Variants in KDM4C observed in about 807,000 individuals in gnomAD.
KDM4C encodes the protein lysine demethylase 4C, also known as lysine-specific demethylase 4C.
Under a neutral mutation model 129.3 loss-of-function variants are expected in KDM4C, and 81 were observed. The observed-to-expected ratio is 0.63, with a 90% CI of 0.52 to 0.75. KDM4C has a LOEUF of 0.75. Among genes scored for constraint, KDM4C ranks in the 30% least tolerant of loss-of-function variants. KDM4C has a pLI of 0.00. For synonymous variants in KDM4C, 573 were observed against 456.1 expected, an observed-to-expected ratio of 1.26 and a Z score of -3.26; for missense variants, 1,457 against 1,304.0, an observed-to-expected ratio of 1.12 and a Z score of -1.81.
intron 5 of KDM4C, among the ~76,000 whole-genome samples, chr9:6,857,138 C>T (rs1564173356): frequency 1.3e-5 from 2 of 152,140 alleles, no homozygotes; most frequent in Admixed American, 6.5e-5. Context: ...GGATTATAGG[C>T]ATGAGCCACC....
Position 6,758,493 on chromosome 9 carries a change from T to G in KDM4C, c.-18+290T>G, listed in dbSNP as rs542619179. 7.2e-5 allele frequency among the ~76,000 whole-genome samples: 11 copies of G among 152,236 alleles called. No individual in the cohort carries two copies. Among genetic ancestry groups the G allele is most frequent in the Admixed American group, 2.0e-4 (3 of 15,300 alleles). On this transcript the variant is annotated intron_variant, in intron 1 of 21. Coordinates refer to ENST00000381309, the MANE Select transcript of KDM4C (RefSeq NM_015061.6). The surrounding 1 kb of genome is among the most constrained non-coding windows in gnomAD (Gnocchi z 4.6). ...CCCGGGATCCGGAGTCGGGGTCGCC[T>G]CCTTGGGGCAGAGGAGCGCTCGGGC... is the stretch of plus-strand genomic sequence containing the variant.
At chr9:6,896,920 C>T (rs1455783362) in intron 8 of KDM4C, among the ~76,000 whole-genome samples, 3 of 152,186 alleles carry the variant, frequency 2.0e-5, no homozygotes, top group Non-Finnish European at 2.9e-5. Context: ...CTGTGGCTTT[C>T]ATCGGAATCT....
At chr9:7,020,183 G>A (rs774527094) in intron 15 of KDM4C, among the ~76,000 whole-genome samples, 1 of 152,164 alleles carries the variant, frequency 6.6e-6, no homozygotes, top group Non-Finnish European at 1.5e-5. Context: ...TGCTTGAGGA[G>A]AGATTAGTTA....
chr9:7,023,539 C>G (rs1336141461), intron 15 of KDM4C, among the ~76,000 whole-genome samples: 1 of 151,878 alleles, frequency 6.6e-6, no homozygotes, highest in African/African-American at 2.4e-5. Flanking sequence ...TTTTTTCTTA[C>G]TCTGGGTAGA....
At chr9:6,877,260 G>C (rs961289795) in intron 5 of KDM4C, among the ~76,000 whole-genome samples, 1 of 152,258 alleles carries the variant, frequency 6.6e-6, no homozygotes. Context: ...GAGTGCAGTG[G>C]CGCCATCTCA....
At chr9:6,978,926 G>T (rs534084690) in intron 8 of KDM4C, 1 of 149,834 alleles carries the variant, frequency 6.7e-6, no homozygotes, top group Non-Finnish European at 1.5e-5. Flanking sequence ...CAAACAAGAT[G>T]AATATTAATA....
At chr9:6,931,047 C>A (rs1056137998) in intron 8 of KDM4C, among the ~76,000 whole-genome samples, 38 of 152,274 alleles carry the variant, frequency 2.5e-4, no homozygotes, top group African/African-American at 8.9e-4. Context: ...CAGGATTCAT[C>A]AGGAGAACCC....
intron 15 of KDM4C, among the ~76,000 whole-genome samples, chr9:7,028,923 G>A (rs1398563306): frequency 2.4e-5 from 3 of 127,596 alleles, no homozygotes; most frequent in Non-Finnish European, 1.6e-5. Flanking sequence ...TAAGGGAGGG[G>A]CGGCGTTGGT....
chr9:6,758,051 C>T lies in KDM4C; in HGVS notation c.-170C>T, dbSNP rs1359261429. On this transcript the variant is annotated 5_prime_UTR_variant, in exon 1 of 22. Coordinates refer to ENST00000381309, the MANE Select transcript of KDM4C (RefSeq NM_015061.6). This position sits in a 1 kb window ranked among gnomAD's most constrained non-coding sequence, Gnocchi z 4.6. ...GGAGGGTGAGGCGCGGCGCAGTGAT[C>T]GGGCGGCCGGGGTCCTGTGCGCGTG... The T allele has an allele frequency of 7.1e-6, 7 of 985,462 alleles. No homozygotes were observed. Among genetic ancestry groups the T allele is most frequent in the Middle Eastern group, 1.0e-3 (2 of 1,912 alleles). The allele number at this position is 985,462 out of a possible 1,614,324, so 61.0% of individuals were successfully genotyped here. A position where few individuals can be genotyped will look rare whatever the true frequency, so the allele number is the denominator to read the frequency against.
At chr9:7,144,342 G>C (rs1842033510) in intron 19 of KDM4C, among the ~76,000 whole-genome samples, 1 of 152,114 alleles carries the variant, frequency 6.6e-6, no homozygotes, top group Non-Finnish European at 1.5e-5. Flanking sequence ...TTCTTTGGTT[G>C]GTCGTCACCT....
intron 19 of KDM4C, among the ~76,000 whole-genome samples, chr9:7,132,678 A>C (rs1388426879): frequency 6.6e-6 from 1 of 152,192 alleles, no homozygotes; most frequent in Admixed American, 6.5e-5. Context: ...TGCCCACCTG[A>C]AAGTACTCAA....
chr9:7,037,649 G>A (rs1045091822), intron 15 of KDM4C, among the ~76,000 whole-genome samples: 27 of 152,050 alleles, frequency 1.8e-4, no homozygotes, highest in Admixed American at 1.3e-3. Context: ...TTAGGTGAGC[G>A]AAAGGGACCT....
At chr9:6,766,595 T>C (rs1820679575) in intron 1 of KDM4C, among the ~76,000 whole-genome samples, 1 of 152,018 alleles carries the variant, frequency 6.6e-6, no homozygotes, top group East Asian at 1.9e-4. Flanking sequence ...ATGTCTTCAG[T>C]GTGGTTCCCT....
chr9:7,052,280 T>C (rs1830252951), intron 17 of KDM4C, among the ~76,000 whole-genome samples: 1 of 152,348 alleles, frequency 6.6e-6, no homozygotes, highest in South Asian at 2.1e-4. Flanking sequence ...TACCTGTTCT[T>C]ATGGAAATTG....
chr9:7,138,460 T>G (rs1172869038), intron 19 of KDM4C, among the ~76,000 whole-genome samples: 1 of 152,214 alleles, frequency 6.6e-6, no homozygotes, highest in East Asian at 1.9e-4. Flanking sequence ...TATGCATAGT[T>G]TTCAGATCAA....
chr9:7,109,701 C>T (rs1035836462), intron 18 of KDM4C, among the ~76,000 whole-genome samples: 2 of 152,110 alleles, frequency 1.3e-5, no homozygotes, highest in African/African-American at 4.8e-5. Context: ...TTTATGAGCC[C>T]ATTGCGTACC....
chr9:6,985,224 A>G (rs1481626172), intron 10 of KDM4C, among the ~76,000 whole-genome samples: 1 of 152,168 alleles, frequency 6.6e-6, no homozygotes, highest in East Asian at 1.9e-4. Flanking sequence ...GTGATCCTTT[A>G]AAAGAAAAAA....
At chr9:6,967,923 C>G (rs1831287370) in intron 8 of KDM4C, among the ~76,000 whole-genome samples, 1 of 152,124 alleles carries the variant, frequency 6.6e-6, no homozygotes, top group Non-Finnish European at 1.5e-5. Flanking sequence ...TTGATTCCAA[C>G]ATTAGTAAAG....
At chr9:7,071,826 C>T (rs183336951) in intron 17 of KDM4C, among the ~76,000 whole-genome samples, 17 of 152,184 alleles carry the variant, frequency 1.1e-4, no homozygotes, top group African/African-American at 3.1e-4. Flanking sequence ...TTTGAGTCTA[C>T]GGCCATACCA....
Sources: allele counts gnomAD v4.1 joint callset (sites outside exome capture counted in the v4.1 genomes callset), GRCh38; gene constraint gnomAD v4.1.1; non-coding constraint Gnocchi (gnomAD v3.1); transcripts MANE v1.5; gene names NCBI Gene and HGNC (gene_info 2026-07-23, HGNC 2026-07-21).